The following LANCL2 variants were observed in gnomAD, a reference collection of about 807,000 sequenced individuals.
The protein encoded by LANCL2 is lanC-like protein 2.
LANCL2 carries 33 observed loss-of-function variants against 56.9 expected under a neutral mutation model. The ratio of observed to expected loss-of-function variants is 0.58; its 90% CI spans 0.44 to 0.78. The LOEUF is 0.78. Ranked by LOEUF, LANCL2 falls within the 30% of genes least tolerant of loss-of-function variation. LANCL2 has a pLI of 0.00. For missense variants in LANCL2, 562 were observed against 580.2 expected (o/e 0.97, Z 0.32); for synonymous variants, 233 against 228.2 (o/e 1.02, Z -0.19).
Position 55,399,977 on chromosome 7 carries a change from C to G in LANCL2, c.551C>G (p.Ser184Trp), listed in dbSNP as rs776099480. ...GTTAGACTTTTGCAGCTCCAGAGAT[C>G]GGTTGTCTGCCAAGAATCAGACCTT... ...CVTKLLQLQRSVVCQESDLPD... is the reference protein window; with the variant it reads ...CVTKLLQLQRWVVCQESDLPD... Residue 184 changes from serine (S) to tryptophan (W), a missense_variant, in exon 4 of 9, where the codon TCG becomes TGG. This residue lies in a region of LANCL2 where 378 missense variants were observed against 468.4 expected (regional missense o/e 0.81). Transcript: ENST00000254770. 6.2e-7 allele frequency: 1 copy of G among 1,612,562 alleles called. No homozygotes were observed. Among genetic ancestry groups the G allele is most frequent in the Non-Finnish European group, 8.5e-7 (1 of 1,179,000 alleles).
intron 5 of LANCL2, among the ~76,000 whole-genome samples, chr7:55,407,927 C>T (rs1210512401): frequency 2.0e-5 from 3 of 152,226 alleles, no homozygotes; most frequent in East Asian, 1.9e-4. Flanking sequence ...CTGAGGACAG[C>T]GAGGAGCTGT....
In LANCL2 at chr7:55,401,171, T is replaced by C; in HGVS notation, c.679-3T>C. ...GATTTATGCTGTCTTGTTATCTCTG[T>C]AGGTAGTCAATGCTATTATTGAATC... On this transcript the variant is annotated splice_region_variant and splice_polypyrimidine_tract_variant and intron_variant, in intron 4 of 8. Coordinates refer to ENST00000254770, the MANE Select transcript of LANCL2 (RefSeq NM_018697.4). The C allele has an allele frequency of 6.2e-7, 1 of 1,613,632 alleles. No individual in the cohort carries two copies. The highest frequency in any genetic ancestry group is 8.5e-7 in the Non-Finnish European group (1 of 1,179,570).
intron 1 of LANCL2, among the ~76,000 whole-genome samples, chr7:55,388,888 T>C (rs550555902): frequency 4.1e-4 from 62 of 152,292 alleles, no homozygotes; most frequent in African/African-American, 1.4e-3. Flanking sequence ...TTTTCCCGTT[T>C]ATCTCATTGA....
chr7:55,419,199 TTAAA>T (rs1327442060), intron 6 of LANCL2, among the ~76,000 whole-genome samples: 7 of 152,154 alleles, frequency 4.6e-5, no homozygotes, highest in Non-Finnish European at 8.8e-5. Context: ...TATTACTTGC[TTAAA>T]TGTTTGTGGG....
chr7:55,400,230 G>C (rs2272226), intron 4 of LANCL2, 126 bp downstream of exon 4: 250,936 of 726,204 alleles, frequency 0.35, 43,949 homozygotes, highest in African/African-American at 0.43. Flanking sequence ...CTCATCAAAA[G>C]TAAGAAATAG....
chr7:55,397,836 CCTTTGTACTGATCACCTTA>C (rs1204973225), intron 2 of LANCL2, among the ~76,000 whole-genome samples: 1 of 151,592 alleles, frequency 6.6e-6, no homozygotes, highest in Non-Finnish European at 1.5e-5. Context: ...CCACACACGC[CCTTTGTACTGATCACCTTA>C]CTCTGTACTG....
intron 1 of LANCL2, among the ~76,000 whole-genome samples, chr7:55,367,093 A>G (rs1789883201): frequency 1.3e-5 from 2 of 152,228 alleles, no homozygotes; most frequent in Admixed American, 1.3e-4. Flanking sequence ...TTTTAGCTTA[A>G]AATAATCCTT....
At chr7:55,408,919 T>G (rs2128994913) in intron 5 of LANCL2, among the ~76,000 whole-genome samples, 1 of 147,734 alleles carries the variant, frequency 6.8e-6, no homozygotes, top group South Asian at 2.2e-4. Context: ...GAGGTGGAGG[T>G]TGCAGTGAGC....
chr7:55,365,903 G>A lies in LANCL2; in HGVS notation c.-123G>A. The A allele has an allele frequency of 1.5e-6, 1 of 688,938 alleles. No homozygotes were observed. The highest frequency in any genetic ancestry group is 2.2e-6 in the Non-Finnish European group (1 of 452,210). The allele number at this position is 688,938 out of a possible 1,614,324, so 42.7% of individuals were successfully genotyped here. The stretch of plus-strand genomic sequence containing the variant: ...CAGACGCCCCGCTCCTCCCGCCAGC[G>A]CGCGGCCTCGCTCCTCCTAGAGGAC... On this transcript the variant is annotated 5_prime_UTR_variant, in exon 1 of 9. Transcript: ENST00000254770.
intron 6 of LANCL2, among the ~76,000 whole-genome samples, chr7:55,418,345 AT>A (rs1202523219): frequency 6.6e-6 from 1 of 151,466 alleles, no homozygotes; most frequent in African/African-American, 2.4e-5. Context: ...TGCCTGGCTA[AT>A]TTTTGTATTT....
chr7:55,414,331 AAGTTAC>A (rs1299593744), intron 6 of LANCL2, among the ~76,000 whole-genome samples: 1 of 152,162 alleles, frequency 6.6e-6, no homozygotes, highest in African/African-American at 2.4e-5. Flanking sequence ...GTTTTCTCTC[AAGTTAC>A]AGTTAAGTTG....
chr7:55,401,523 T>A (rs1339055048), intron 5 of LANCL2, among the ~76,000 whole-genome samples: 1 of 83,454 alleles, frequency 1.2e-5, no homozygotes, highest in African/African-American at 4.3e-5. Context: ...GTCTTTTTTT[T>A]TTTTTTTTTT....
intron 1 of LANCL2, among the ~76,000 whole-genome samples, chr7:55,385,967 G>A (rs1265502367): frequency 1.3e-5 from 2 of 152,176 alleles, no homozygotes; most frequent in African/African-American, 2.4e-5. Context: ...AGAATTCAGC[G>A]ATATTTCTCC....
intron 6 of LANCL2, among the ~76,000 whole-genome samples, chr7:55,417,259 G>A (rs1450589804): frequency 2.6e-5 from 4 of 152,028 alleles, no homozygotes; most frequent in East Asian, 1.9e-4. Context: ...GATTACAGGC[G>A]TGAGCCACCG....
intron 5 of LANCL2, among the ~76,000 whole-genome samples, chr7:55,407,763 G>T (rs961034395): frequency 5.3e-5 from 8 of 152,240 alleles, no homozygotes; most frequent in Admixed American, 3.9e-4. Context: ...CAGGCAGTTT[G>T]TGGACTCATG....
At chr7:55,428,865 AAGT>A (rs1790697203) in intron 8 of LANCL2, among the ~76,000 whole-genome samples, 2 of 152,240 alleles carry the variant, frequency 1.3e-5, no homozygotes, top group Admixed American at 6.5e-5. Context: ...AAATATTAGT[AAGT>A]AGAAAAAATA....
At chr7:55,401,518 T>TC (rs1362076298) in intron 5 of LANCL2, among the ~76,000 whole-genome samples, 198 bp downstream of exon 5, 611 of 35,804 alleles carry the variant, frequency 0.017, 5 homozygotes, top group African/African-American at 0.049. Flanking sequence ...ATGGAGTCTT[T>TC]TTTTTTTTTT....
In LANCL2 at chr7:55,433,169, G is replaced by A. The variant is rs1465209342; in HGVS notation, c.*1849G>A. 1 of 152,372 alleles carries A rather than the reference G, an allele frequency of 6.6e-6. No homozygotes were observed. The highest frequency in any genetic ancestry group is 2.4e-5 in the African/African-American group (1 of 41,478). 9.4% of individuals were successfully genotyped at this position (152,372 alleles called of 1,614,324 possible). Reference sequence around the variant, plus strand: ...GCAGCCCCTCTCAGACGAGGAGGCAGCGGGTGCAGCCAGGTGTCTGCAGAG... The same window carrying A: ...GCAGCCCCTCTCAGACGAGGAGGCAACGGGTGCAGCCAGGTGTCTGCAGAG... On this transcript the variant is annotated 3_prime_UTR_variant, in exon 9 of 9. Transcript: ENST00000254770.
At chr7:55,370,357 G>A (rs1789929487) in intron 1 of LANCL2, among the ~76,000 whole-genome samples, 1 of 152,192 alleles carries the variant, frequency 6.6e-6, no homozygotes, top group African/African-American at 2.4e-5. Context: ...CTGCCATATT[G>A]TATTCTATTA....
Sources: allele counts gnomAD v4.1 joint callset (sites outside exome capture counted in the v4.1 genomes callset), GRCh38; gene constraint gnomAD v4.1.1; regional missense constraint gnomAD v4.1.1; transcripts MANE v1.5; gene names NCBI Gene and HGNC (gene_info 2026-07-23, HGNC 2026-07-21).